Variants in EPS15 observed in about 807,000 individuals in gnomAD.
The protein encoded by EPS15 is epidermal growth factor receptor substrate 15.
A neutral mutation model predicts 113.8 loss-of-function variants in EPS15; 72 were observed. The ratio of observed to expected loss-of-function variants is 0.63; its 90% confidence interval spans 0.52 to 0.77. The LOEUF (loss-of-function observed/expected upper bound fraction) is 0.77, where lower values mean the gene tolerates loss of function less well. Ranked by LOEUF, EPS15 falls within the 30% of genes least tolerant of loss-of-function variation. The probability of loss-of-function intolerance (pLI) is 0.00; values close to 1 mark genes in which losing one functional copy is unlikely to be tolerated. For missense variants in EPS15, 1,048 were observed against 1,045.8 expected, an observed-to-expected ratio of 1.00 and a Z score of -0.03; for synonymous variants, 344 against 363.4, an observed-to-expected ratio of 0.95 and a Z score of 0.61.
chr1:51,412,803 C>T (rs1649858576), intron 13 of EPS15, among the ~76,000 whole-genome samples: 1 of 152,176 alleles, frequency 6.6e-6, no homozygotes, highest in African/African-American at 2.4e-5. Flanking sequence ...ATAGATTCTA[C>T]CTTAAAATCT....
rs558125109 is a variant in EPS15 at position 51,376,326 on chromosome 1, C to A, written c.2120-10297G>T. Among the ~76,000 whole-genome samples the A allele has an allele frequency of 9.2e-5, 14 of 152,280 alleles. No individual in the cohort carries two copies. In the South Asian group the frequency reaches 2.9e-3, roughly 32 times the overall value. The stretch of plus-strand genomic sequence containing the variant: ...GGCATGTTTTACTGAATATTTTAAG[C>A]CCATTGTTGGGATCCACTGCTCAGA... On this transcript the variant is annotated intron_variant, in intron 21 of 24. Coordinates refer to ENST00000371733, the MANE Select transcript of EPS15 (RefSeq NM_001981.3).
chr1:51,512,899 G>A lies in EPS15; in HGVS notation c.33+6300C>T, dbSNP rs187809608. On this transcript the variant is annotated intron_variant, in intron 1 of 24. Transcript: ENST00000371733. ...GGTCTTAGCTCTGTCACCTAGGCTG[G>A]AGTGCAGTGGTGCAATTATAGCTCA... 2.0e-5 allele frequency among the ~76,000 whole-genome samples: 3 copies of A among 148,192 alleles called. No homozygotes were observed. In the Admixed American group the frequency reaches 2.0e-4, roughly 10 times the overall value.
In EPS15 at chr1:51,457,705, C is replaced by T. The variant is rs184908558; in HGVS notation, c.561+3386G>A. ...TTTGACTGTAACTTATCACATGAGA[C>T]CAGGAGTGGAATTTTCCACTTTGTG... On this transcript the variant is annotated intron_variant, in intron 8 of 24. Coordinates refer to ENST00000371733, the MANE Select transcript of EPS15 (RefSeq NM_001981.3). 5.3e-5 allele frequency: 8 copies of T among 151,848 alleles called. No individual in the cohort carries two copies. The East Asian group carries it at 1.5e-3, about 29-fold the overall frequency. The allele number at this position is 151,848 out of a possible 1,614,324, so 9.4% of individuals were successfully genotyped here.
At position 51,363,900 on chromosome 1, in the gene EPS15, G is replaced by A. The variant is rs766207505; in HGVS notation, c.2325C>T (p.Ile775=). ...EDEPPALPPK[I]GTPTRPCPLP... The stretch of plus-strand genomic sequence containing the variant: ...GAGGGCAGGGTCTTGTTGGAGTTCC[G>A]ATCTTTGGTGGCAGTGCTGGGGGTT... The change falls in exon 23 of 25, where the codon ATC becomes ATT. Residue 775 remains isoleucine (I), a synonymous_variant. Coordinates refer to ENST00000371733, the MANE Select transcript of EPS15 (RefSeq NM_001981.3). 1.1e-5 allele frequency: 17 copies of A among 1,612,974 alleles called. No individual in the cohort carries two copies. In the East Asian group the frequency reaches 1.8e-4, roughly 17 times the overall value.
chr1:51,460,256 C>T (rs568907222), intron 8 of EPS15, among the ~76,000 whole-genome samples: 18 of 152,114 alleles, frequency 1.2e-4, no homozygotes, highest in African/African-American at 3.9e-4. Context: ...AGAAATTTAC[C>T]ACTGATGAAT....
intron 21 of EPS15, among the ~76,000 whole-genome samples, chr1:51,366,256 T>C (rs1646505674): frequency 6.6e-6 from 1 of 152,138 alleles, no homozygotes; most frequent in African/African-American, 2.4e-5. Flanking sequence ...TTTGTAGATA[T>C]GGGGTTTTGC....
chr1:51,489,303 A>ATATATATATATATATATATATATGTATG (rs1360006242), intron 1 of EPS15, among the ~76,000 whole-genome samples: 6 of 140,032 alleles, frequency 4.3e-5, no homozygotes, highest in Admixed American at 2.1e-4. Context: ...ATATATATAT[A>ATATATATATATATATATATATATGTATG]TATGTATGTA....
chr1:51,479,352 G>A (rs546693962), intron 2 of EPS15, among the ~76,000 whole-genome samples: 55 of 152,240 alleles, frequency 3.6e-4, no homozygotes, highest in African/African-American at 1.2e-3. Flanking sequence ...TTAGCCATTC[G>A]TCTAATCTTT....
At chr1:51,379,835 A>ACGGATC (rs1646896356) in intron 21 of EPS15, among the ~76,000 whole-genome samples, 1 of 151,426 alleles carries the variant, frequency 6.6e-6, no homozygotes, top group African/African-American at 2.4e-5. Context: ...GCCAAGGTGG[A>ACGGATC]CGGATCACTT....
intron 1 of EPS15, among the ~76,000 whole-genome samples, chr1:51,503,006 C>CAAAAAAAAAAA (rs56340331): frequency 2.8e-4 from 19 of 67,434 alleles, no homozygotes; most frequent in African/African-American, 4.5e-4. Flanking sequence ...GACTCTGTCT[C>CAAAAAAAAAAA]AAAAAAAAAA....
At chr1:51,479,220 T>C (rs1368799579) in intron 2 of EPS15, among the ~76,000 whole-genome samples, 2 of 152,228 alleles carry the variant, frequency 1.3e-5, no homozygotes, top group Admixed American at 6.5e-5. Flanking sequence ...CAACCACTGA[T>C]ACCTTTTCTT....
In EPS15 at chr1:51,497,750, G is replaced by A. The variant is rs1057280106; in HGVS notation, c.34-16436C>T. ...TTCCAGCACTTTGGGAGGTCAAGGC[G>A]GGCGGATCACGAGGTCAACAGATGG... On this transcript the variant is annotated intron_variant, in intron 1 of 24. Transcript: ENST00000371733. 1.2e-3 allele frequency among the ~76,000 whole-genome samples: 180 copies of A among 152,218 alleles called. 2 individuals are homozygous for A. Among genetic ancestry groups the A allele is most frequent in the Non-Finnish European group, 7.4e-5 (5 of 68,022 alleles).
chr1:51,432,229 CA>C (rs1207132285), intron 12 of EPS15, among the ~76,000 whole-genome samples: 2 of 151,988 alleles, frequency 1.3e-5, no homozygotes, highest in South Asian at 2.1e-4. Flanking sequence ...ACCAGAGCCA[CA>C]AAACAGTACA....
intron 2 of EPS15, among the ~76,000 whole-genome samples, chr1:51,480,023 T>A (rs917655950): frequency 6.6e-6 from 1 of 152,196 alleles, no homozygotes; most frequent in African/African-American, 2.4e-5. Context: ...GAGCACAGCC[T>A]TAAGATAGAA....
Position 51,441,230 on chromosome 1 carries a change from G to T in EPS15, c.955-798C>A, listed in dbSNP as rs7527954. ...GATGTGACATCAGTCTACAAACTGTGATATTTTATAAATGTAAGCTATTGT... is the reference window on the plus strand; with the variant it reads ...GATGTGACATCAGTCTACAAACTGTTATATTTTATAAATGTAAGCTATTGT... On this transcript the variant is annotated intron_variant, in intron 11 of 24. Transcript: ENST00000371733. 8.0e-3 allele frequency among the ~76,000 whole-genome samples: 1,211 copies of T among 152,130 alleles called. 19 individuals carry two copies. Among genetic ancestry groups the T allele is most frequent in the African/African-American group, 0.028 (1,164 of 41,532 alleles).
chr1:51,506,809 G>C (rs1363182793), intron 1 of EPS15, among the ~76,000 whole-genome samples: 1 of 148,738 alleles, frequency 6.7e-6, no homozygotes, highest in Non-Finnish European at 1.5e-5. Flanking sequence ...AAACAGAACA[G>C]AACAGAATGT....
chr1:51,450,343 G>A (rs1653440988), intron 8 of EPS15, among the ~76,000 whole-genome samples: 1 of 151,750 alleles, frequency 6.6e-6, no homozygotes, highest in African/African-American at 2.4e-5. Flanking sequence ...CAGTTCTGCA[G>A]GGTGTACCAA....
At chr1:51,437,076 G>A (rs944386369) in intron 12 of EPS15, among the ~76,000 whole-genome samples, 1 of 151,980 alleles carries the variant, frequency 6.6e-6, no homozygotes, top group African/African-American at 2.4e-5. Context: ...AAATGTTGAA[G>A]AAATCACAGA....
chr1:51,508,876 A>T (rs1644569817), intron 1 of EPS15, among the ~76,000 whole-genome samples: 1 of 152,230 alleles, frequency 6.6e-6, no homozygotes. Flanking sequence ...CTTGAATCAA[A>T]TGTTCCTATA....
Sources: gnomAD v4.1 joint callset for allele counts (sites outside exome capture counted in the v4.1 genomes callset) on GRCh38, gnomAD v4.1.1 for gene constraint, MANE v1.5 for transcripts, NCBI Gene and HGNC (gene_info 2026-07-23, HGNC 2026-07-21) for gene names.